VPS13C: variants seen among roughly 807,000 people sequenced by gnomAD.
VPS13C encodes the protein vacuolar protein sorting 13 homolog C.
Under a neutral mutation model 456.8 loss-of-function variants are expected in VPS13C, and 358 were observed. The ratio of observed to expected loss-of-function variants is 0.78; its 90% CI spans 0.72 to 0.86. The LOEUF is 0.86. Among genes scored for constraint, VPS13C ranks in the 40% least tolerant of loss-of-function variants. The probability of loss-of-function intolerance (pLI) is 0.00; values close to 1 mark genes in which losing one functional copy is unlikely to be tolerated. For synonymous variants in VPS13C, 1,578 were observed against 1,486.7 expected, an observed-to-expected ratio of 1.06 and a Z score of -1.41; for missense variants, 4,818 against 4,385.4, an observed-to-expected ratio of 1.10 and a Z score of -2.79.
At chr15:61,875,649 A>C in intron 76 of VPS13C, 83 bp downstream of exon 76, 3 of 917,442 alleles carry the variant, frequency 3.3e-6, no homozygotes, top group Non-Finnish European at 5.1e-6. Context: ...AGATACAATT[A>C]CAATGCAAAT....
rs778633040 is a variant in VPS13C, at chr15:62,028,374, G to A, written c.432C>T (p.Tyr144=). ...EFIYGLENFV[Y]KDIKPGRKRK... Reference sequence around the variant, plus strand: ...CATACCCACCAGGCTTGATGTCCTTGTAAACAAAGTTCTCCAAGCCATATA... The same window carrying A: ...CATACCCACCAGGCTTGATGTCCTTATAAACAAAGTTCTCCAAGCCATATA... The change falls in exon 6 of 85, where the codon TAC becomes TAT. Residue 144 remains tyrosine, a synonymous_variant. Transcript: ENST00000644861. The A allele has an allele frequency of 1.7e-4, 271 of 1,612,818 alleles. No individual in the cohort carries two copies. Among genetic ancestry groups the A allele is most frequent in the Non-Finnish European group, 2.1e-4 (250 of 1,179,246 alleles).
Position 61,867,527 on chromosome 15 carries a change from C to T in VPS13C, c.10863+1132G>A. 2 of 995,486 alleles carry T rather than the reference C, an allele frequency of 2.0e-6. No homozygotes were observed. Among genetic ancestry groups the T allele is most frequent in the Non-Finnish European group, 2.4e-6 (2 of 837,162 alleles). 61.7% of individuals were successfully genotyped at this position (995,486 alleles called of 1,614,324 possible). On this transcript the variant is annotated intron_variant, in intron 81 of 84. Coordinates refer to ENST00000644861, the MANE Select transcript of VPS13C (RefSeq NM_020821.3). The surrounding 1 kb of genome is among the most constrained non-coding windows in gnomAD (Gnocchi z 5.0). The stretch of plus-strand genomic sequence containing the variant: ...AAGCTATGTAATTCCATCATCAAGA[C>T]TCACAAACATAAACATATTAATTGG...
chr15:61,946,130 T>C (rs1000522050), intron 44 of VPS13C, among the ~76,000 whole-genome samples, 177 bp downstream of exon 44: 1 of 152,128 alleles, frequency 6.6e-6, no homozygotes, highest in Admixed American at 6.6e-5. Flanking sequence ...TCACTGTGTA[T>C]CAAGAGGCCT....
In VPS13C at chr15:61,873,561, G is replaced by GA. The variant is rs199923581; in HGVS notation, c.10415-153dup. On this transcript the variant is annotated intron_variant, in intron 77 of 84. Coordinates refer to ENST00000644861, the MANE Select transcript of VPS13C (RefSeq NM_020821.3). ...ACATACAAATGGCCAACAAGTATATGAAAAAATGTTCAAGATCAATAATCA... is the reference window on the plus strand; with the variant it reads ...ACATACAAATGGCCAACAAGTATATGAAAAAAATGTTCAAGATCAATAATCA... The GA allele has an allele frequency of 1.7e-3, 1,208 of 707,782 alleles. 14 individuals carry two copies. In the African/African-American group the frequency reaches 0.02, roughly 12 times the overall value. The allele number at this position is 707,782 out of a possible 1,614,324, so 43.8% of individuals were successfully genotyped here.
intron 9 of VPS13C, among the ~76,000 whole-genome samples, chr15:62,014,921 T>C (rs193058897): frequency 1.3e-3 from 198 of 152,244 alleles, no homozygotes; most frequent in African/African-American, 4.5e-3. Flanking sequence ...GTATTAAAAC[T>C]TGAGTAGAAT....
chr15:62,012,950 G>A (rs1468429975), intron 11 of VPS13C, 89 bp downstream of exon 11: 2 of 747,716 alleles, frequency 2.7e-6, no homozygotes, highest in East Asian at 2.8e-5. Flanking sequence ...ACAAATGGCT[G>A]ATATCCTGTC....
At chr15:61,897,571 G>C (rs1240381214) in intron 66 of VPS13C, among the ~76,000 whole-genome samples, 4 of 152,180 alleles carry the variant, frequency 2.6e-5, no homozygotes, top group African/African-American at 7.2e-5. Flanking sequence ...AAAAAGAAAT[G>C]AGCAAAGCCT....
intron 82 of VPS13C, among the ~76,000 whole-genome samples, chr15:61,857,947 C>T (rs1894010811): frequency 6.6e-6 from 1 of 152,114 alleles, no homozygotes. Context: ...GGACAAAGTT[C>T]AACATCCCTA....
At chr15:62,011,845 G>T (rs2047049254) in intron 12 of VPS13C, among the ~76,000 whole-genome samples, 1 of 151,882 alleles carries the variant, frequency 6.6e-6, no homozygotes, top group Non-Finnish European at 1.5e-5. Flanking sequence ...AAGCTAAGAA[G>T]AATACATGGA....
intron 82 of VPS13C, 55 bp from the exon 83 acceptor site, chr15:61,856,464 T>C (rs1281585285): frequency 1.3e-6 from 2 of 1,598,634 alleles, no homozygotes; most frequent in African/African-American, 1.3e-5. Flanking sequence ...CAGTTTATTC[T>C]TGCCAATATT....
At position 61,854,547 on chromosome 15, in the gene VPS13C, A is replaced by C. The variant is rs113741214; in HGVS notation, c.11172T>G (p.Asn3724Lys). The C allele has an allele frequency of 3.1e-6, 5 of 1,614,062 alleles. No homozygotes were observed. The African/African-American group carries it at 4.0e-5, about 13-fold the overall frequency. Residue 3724 changes from asparagine to lysine, a missense_variant, in exon 85 of 85, where the codon AAT becomes AAG. Asn to Lys is a moderately conservative substitution (Grantham distance 94, BLOSUM62 0). Coordinates refer to ENST00000644861, the MANE Select transcript of VPS13C (RefSeq NM_020821.3). ...KDTATAERAC[N>K]AIEDAQSTRQ... The stretch of plus-strand genomic sequence containing the variant: ...TCGTTGACTGTGCATCCTCAATGGC[A>C]TTACATGCTCTCTGTAAAGTAAAAT...
At chr15:61,982,613 G>C (rs574772146) in intron 20 of VPS13C, 40 bp from the exon 21 acceptor site, 10 of 1,421,866 alleles carry the variant, frequency 7.0e-6, no homozygotes, top group Admixed American at 5.6e-5. Context: ...GTTACACATG[G>C]TTCTTTCCAT....
chr15:62,044,835 A>G (rs1300223720), intron 1 of VPS13C, among the ~76,000 whole-genome samples: 1 of 152,136 alleles, frequency 6.6e-6, no homozygotes, highest in Non-Finnish European at 1.5e-5. Context: ...CTATCCCTGT[A>G]TTTGTTGATA....
Position 61,949,498 on chromosome 15 carries a change from C to T in VPS13C, c.4704G>A (p.Lys1568=). The change falls in exon 42 of 85, where the codon AAG becomes AAA. Residue 1568 remains lysine (K), a synonymous_variant. Transcript: ENST00000644861. ...APFSEPSSSE[K]ESELKPLVGE... The stretch of plus-strand genomic sequence containing the variant: ...CCACAAGTGGTTTCAGCTCGGATTC[C>T]TTCTCAGAAGAGGAAGGCTCAGAGA... 6.2e-7 allele frequency: 1 copy of T among 1,613,506 alleles called. No homozygotes were observed.
At chr15:62,032,605 C>T (rs1284000099) in intron 5 of VPS13C, among the ~76,000 whole-genome samples, 1 of 151,728 alleles carries the variant, frequency 6.6e-6, no homozygotes, top group African/African-American at 2.4e-5. Flanking sequence ...AATTAAATGA[C>T]AACATCTTAA....
Position 62,013,113 on chromosome 15 carries a change from G to A in VPS13C, c.751C>T (p.Arg251Ter), listed in dbSNP as rs899706506. The change falls in exon 11 of 85, where the codon CGA becomes TGA. Residue 251 changes from arginine to a stop codon, truncating the protein, a stop_gained. Coordinates refer to ENST00000644861, the MANE Select transcript of VPS13C (RefSeq NM_020821.3). LOFTEE classifies it high-confidence loss of function. ...CAGTAGGCGCTAAGACTATCAAGTC[G>A]TATAAGCTATAAGAGAAAAATGAAA... ...EADKIIYKLI[R>*]LDSLSAYWNV... 13 of 1,604,206 alleles carry A rather than the reference G, an allele frequency of 8.1e-6. No homozygotes were observed. Among genetic ancestry groups the A allele is most frequent in the South Asian group, 2.2e-5 (2 of 89,350 alleles).
At chr15:61,887,602 G>A (rs1008809457) in intron 67 of VPS13C, among the ~76,000 whole-genome samples, 7 of 152,090 alleles carry the variant, frequency 4.6e-5, no homozygotes, top group African/African-American at 1.4e-4. Flanking sequence ...GAGGTGGGAG[G>A]ATTGCTTGAG....
intron 66 of VPS13C, among the ~76,000 whole-genome samples, chr15:61,898,158 G>A (rs1007315047): frequency 1.3e-5 from 2 of 152,046 alleles, no homozygotes; most frequent in Admixed American, 6.5e-5. Context: ...ATGCCAAAAT[G>A]TAAAGACCAT....
chr15:61,938,046 G>C (rs1483284425), intron 47 of VPS13C, among the ~76,000 whole-genome samples: 1 of 152,160 alleles, frequency 6.6e-6, no homozygotes, highest in Non-Finnish European at 1.5e-5. Context: ...TACCACCAGA[G>C]AAATTGCCTA....
Sources: allele counts gnomAD v4.1 joint callset (sites outside exome capture counted in the v4.1 genomes callset), GRCh38; gene constraint gnomAD v4.1.1; non-coding constraint Gnocchi (gnomAD v3.1); transcripts MANE v1.5; gene names NCBI Gene and HGNC (gene_info 2026-07-23, HGNC 2026-07-21).